The following CHSY3 variants were observed in gnomAD, a reference collection of about 807,000 sequenced individuals.
CHSY3 encodes the protein chondroitin sulfate synthase 3, also known as N-acetylgalactosaminyl-proteoglycan 3-beta-glucuronosyltransferase 3.
In CHSY3, 35 loss-of-function variants were observed where a neutral mutation model predicts 67.2. That is an observed-to-expected ratio of 0.52 (90% CI 0.40 to 0.69). The LOEUF (loss-of-function observed/expected upper bound fraction) is 0.69. Among genes scored for constraint, CHSY3 ranks in the 30% least tolerant of loss-of-function variants. CHSY3 has a pLI of 0.00. For missense variants in CHSY3, 1,069 were observed against 1,138.5 expected (o/e 0.94, Z 0.88); for synonymous variants, 474 against 434.7 (o/e 1.09, Z -1.12).
intron 2 of CHSY3, among the ~76,000 whole-genome samples, chr5:130,020,479 T>TTTTTC (rs1213734366): frequency 1.5e-5 from 2 of 130,022 alleles, no homozygotes; most frequent in African/African-American, 5.9e-5. Flanking sequence ...TTTTTTTTTT[T>TTTTTC]CCTCTGGCTC....
At chr5:129,920,492 C>T (rs1379142362) in intron 2 of CHSY3, among the ~76,000 whole-genome samples, 1 of 152,168 alleles carries the variant, frequency 6.6e-6, no homozygotes, top group Non-Finnish European at 1.5e-5. Flanking sequence ...GATCCACCCA[C>T]CTTGGCCTCT....
chr5:130,100,151 A>G (rs954696656), intron 2 of CHSY3, among the ~76,000 whole-genome samples: 2 of 152,130 alleles, frequency 1.3e-5, no homozygotes, highest in African/African-American at 4.8e-5. Flanking sequence ...GCAGACATAA[A>G]AAGGAAGCTT....
chr5:129,993,453 C>T (rs922638774), intron 2 of CHSY3, among the ~76,000 whole-genome samples: 3 of 152,120 alleles, frequency 2.0e-5, no homozygotes, highest in African/African-American at 7.2e-5. Context: ...GATCCCTTTA[C>T]CATTATGTAA....
intron 2 of CHSY3, among the ~76,000 whole-genome samples, chr5:130,146,370 G>A (rs184369347): frequency 6.6e-6 from 1 of 152,258 alleles, no homozygotes; most frequent in East Asian, 1.9e-4. Flanking sequence ...AATACTGCAT[G>A]ATCTCACTCA....
intron 2 of CHSY3, among the ~76,000 whole-genome samples, chr5:130,041,067 G>T (rs1355093363): frequency 6.6e-6 from 1 of 152,064 alleles, no homozygotes; most frequent in Non-Finnish European, 1.5e-5. Flanking sequence ...ATGCCCTTTA[G>T]CAAGCTGCTC....
intron 2 of CHSY3, among the ~76,000 whole-genome samples, chr5:130,159,014 T>G (rs900249543): frequency 2.0e-5 from 3 of 152,108 alleles, no homozygotes; most frequent in Admixed American, 2.0e-4. Context: ...TTGCCCAGTC[T>G]GTCTCGAACT....
At chr5:130,152,405 T>C (rs1291992653) in intron 2 of CHSY3, among the ~76,000 whole-genome samples, 1 of 152,214 alleles carries the variant, frequency 6.6e-6, no homozygotes, top group Non-Finnish European at 1.5e-5. Flanking sequence ...AAAAAGTGCT[T>C]CACATGTTTT....
At chr5:129,910,501 A>G (rs1581356150) in intron 2 of CHSY3, among the ~76,000 whole-genome samples, 1 of 152,048 alleles carries the variant, frequency 6.6e-6, no homozygotes, top group Non-Finnish European at 1.5e-5. Flanking sequence ...CATTGATTTA[A>G]TTCTAATAAA....
At chr5:129,935,084 A>G (rs115984761) in intron 2 of CHSY3, among the ~76,000 whole-genome samples, 1,707 of 152,274 alleles carry the variant, frequency 0.011, 37 homozygotes, top group African/African-American at 0.038. Flanking sequence ...TAGTTACATC[A>G]TGTTTTCTCT....
Position 130,070,136 on chromosome 5 carries a change from G to T in CHSY3, c.1087-114093G>T, listed in dbSNP as rs572830947. Among the ~76,000 whole-genome samples the T allele has an allele frequency of 3.7e-4, 56 of 152,104 alleles. 1 individual carries two copies. The South Asian group carries it at 7.9e-3, about 21-fold the overall frequency. ...ATCTTATAGCTGTTTTACAAACACAGTCCATTCTTTAGAACTTCAGAAACA... is the reference window on the plus strand; with the variant it reads ...ATCTTATAGCTGTTTTACAAACACATTCCATTCTTTAGAACTTCAGAAACA... On this transcript the variant is annotated intron_variant, in intron 2 of 2. Coordinates refer to ENST00000305031, the MANE Select transcript of CHSY3 (RefSeq NM_175856.5).
Position 129,948,425 on chromosome 5 carries a change from A to G in CHSY3, c.1086+40065A>G, listed in dbSNP as rs1761929254. Among the ~76,000 whole-genome samples the G allele has an allele frequency of 3.3e-5, 5 of 152,168 alleles. No homozygotes were observed. In the South Asian group the frequency reaches 1.0e-3, roughly 31 times the overall value. ...GCTTACCTCCCACTTACAAATGAGG[A>G]CATATGATTTTAGTTTTCCATTCCT... On this transcript the variant is annotated intron_variant, in intron 2 of 2. Coordinates refer to ENST00000305031, the MANE Select transcript of CHSY3 (RefSeq NM_175856.5).
In CHSY3 at chr5:130,184,433, A is replaced by C; in HGVS notation, c.1291A>C (p.Met431Leu). Residue 431 changes from methionine (M) to leucine (L), a missense_variant, in exon 3 of 3, where the codon ATG becomes CTG. By Grantham distance (15) the Met-to-Leu change is conservative. Around this residue, in one of 5 missense-constraint regions of CHSY3, gnomAD observed 401 missense variants for 395.2 expected, o/e 1.01. Coordinates refer to ENST00000305031, the MANE Select transcript of CHSY3 (RefSeq NM_175856.5). ...CCAGCTCCACAGGGAAAGTGCCCTGATGAGCAAGCTCAGTAACACAGAAGT... is the reference window on the plus strand; with the variant it reads ...CCAGCTCCACAGGGAAAGTGCCCTGCTGAGCAAGCTCAGTAACACAGAAGT... Reference protein sequence around the residue: ...TIQLHRESALMSKLSNTEVSK... With the variant: ...TIQLHRESALLSKLSNTEVSK... The C allele has an allele frequency of 6.2e-7, 1 of 1,613,576 alleles. No homozygotes were observed. Among genetic ancestry groups the C allele is most frequent in the Non-Finnish European group, 8.5e-7 (1 of 1,179,490 alleles).
chr5:129,905,441 G>A lies in CHSY3; in HGVS notation c.612G>A (p.Glu204=). 2 of 1,611,976 alleles carry A rather than the reference G, an allele frequency of 1.2e-6. No homozygotes were observed. The highest frequency in any genetic ancestry group is 1.7e-6 in the Non-Finnish European group (2 of 1,179,898). ...CGCGTTTCATCCCGGGCCGCGTGGA[G>A]TTCTTTTCCAGCCAGCAGCCCCCCA... The part of the protein sequence containing the change: ...TWARFIPGRV[E]FFSSQQPPNA... The change falls in exon 1 of 3, where the codon GAG becomes GAA. Residue 204 remains glutamate (E), a synonymous_variant. Coordinates refer to ENST00000305031, the MANE Select transcript of CHSY3 (RefSeq NM_175856.5).
intron 2 of CHSY3, among the ~76,000 whole-genome samples, chr5:129,956,459 T>G (rs6885576): frequency 0.044 from 6,653 of 152,220 alleles, 473 homozygotes; most frequent in African/African-American, 0.15. Flanking sequence ...AATATTAGTC[T>G]TTTGTCAAAT....
chr5:130,185,169 G>A lies in CHSY3; in HGVS notation c.2027G>A (p.Gly676Glu), dbSNP rs370684547. The part of the protein sequence containing the change: ...DSSKHIELIK[G>E]YQNKYPKAEM... ...AGCAAGCATATTGAGCTGATAAAAG[G>A]GTACCAGAACAAGTACCCCAAAGCA... The change falls in exon 3 of 3, where the codon GGG becomes GAG. Residue 676 changes from glycine (G) to glutamate (E), a missense_variant. Physicochemically the swap from Gly to Glu is moderately conservative, Grantham distance 98. Coordinates refer to ENST00000305031, the MANE Select transcript of CHSY3 (RefSeq NM_175856.5). 16 of 1,609,640 alleles carry A rather than the reference G, an allele frequency of 9.9e-6. No homozygotes were observed. In the African/African-American group the frequency reaches 2.1e-4, roughly 21 times the overall value.
intron 2 of CHSY3, among the ~76,000 whole-genome samples, chr5:130,153,871 A>G (rs1386412878): frequency 2.0e-5 from 3 of 151,778 alleles, no homozygotes; most frequent in Admixed American, 6.6e-5. Context: ...AACATTAGGA[A>G]ATTGCACATA....
rs77184701 is a variant in CHSY3 at position 129,951,526 on chromosome 5, T to A, written c.1086+43166T>A. On this transcript the variant is annotated intron_variant, in intron 2 of 2. Coordinates refer to ENST00000305031, the MANE Select transcript of CHSY3 (RefSeq NM_175856.5). Reference sequence around the variant, plus strand: ...CATCTTCTCTGTAAATTGCTTTTTTTAAATTAATAATGTATATCAATATGA... The same window carrying A: ...CATCTTCTCTGTAAATTGCTTTTTTAAAATTAATAATGTATATCAATATGA... Among the ~76,000 whole-genome samples, 1,382 of 152,336 alleles carry A rather than the reference T, an allele frequency of 9.1e-3. 16 individuals are homozygous for A. Among genetic ancestry groups the A allele is most frequent in the African/African-American group, 0.032 (1,317 of 41,560 alleles).
intron 2 of CHSY3, among the ~76,000 whole-genome samples, chr5:130,083,378 A>G (rs1365676592): frequency 1.3e-5 from 2 of 152,026 alleles, no homozygotes; most frequent in African/African-American, 2.4e-5. Context: ...TGTTACTTTT[A>G]AAATGTGTCT....
chr5:129,991,734 A>G (rs1328010002), intron 2 of CHSY3, among the ~76,000 whole-genome samples: 1 of 152,140 alleles, frequency 6.6e-6, no homozygotes, highest in Non-Finnish European at 1.5e-5. Context: ...AGGAGTAGGA[A>G]AAAGAGGAAG....
Sources: allele counts gnomAD v4.1 joint callset (sites outside exome capture counted in the v4.1 genomes callset), GRCh38; gene constraint gnomAD v4.1.1; regional missense constraint gnomAD v4.1.1; transcripts MANE v1.5; gene names NCBI Gene and HGNC (gene_info 2026-07-23, HGNC 2026-07-21).